The following EEFSEC variants were observed in gnomAD, a reference collection of about 807,000 sequenced individuals.
EEFSEC encodes the protein selenocysteine-specific elongation factor.
EEFSEC carries 43 observed loss-of-function variants against 42.1 expected under a neutral mutation model. That is an observed-to-expected ratio of 1.02 (90% CI 0.80 to 1.32). The LOEUF (loss-of-function observed/expected upper bound fraction) is 1.32, where lower values mean the gene tolerates loss of function less well. Ranked by LOEUF, EEFSEC falls within the 40% of genes most tolerant of loss-of-function variation. EEFSEC has a pLI of 0.00. For synonymous variants in EEFSEC, 354 were observed against 339.1 expected, an observed-to-expected ratio of 1.04 and a Z score of -0.48; for missense variants, 745 against 803.6, an observed-to-expected ratio of 0.93 and a Z score of 0.88.
At chr3:128,271,724 T>G (rs2066415124) in intron 4 of EEFSEC, among the ~76,000 whole-genome samples, 1 of 151,916 alleles carries the variant, frequency 6.6e-6, no homozygotes, top group African/African-American at 2.4e-5. Context: ...AGGTTCAAAC[T>G]CCCGGGCCCT....
chr3:128,331,851 GA>G (rs1375121872), intron 4 of EEFSEC, among the ~76,000 whole-genome samples: 2 of 152,242 alleles, frequency 1.3e-5, no homozygotes, highest in Admixed American at 1.3e-4. Context: ...ACTGCTGGTG[GA>G]AGCGTAACCA....
intron 6 of EEFSEC, among the ~76,000 whole-genome samples, chr3:128,406,056 C>A (rs921458555): frequency 1.3e-5 from 2 of 152,218 alleles, no homozygotes; most frequent in African/African-American, 4.8e-5. Context: ...CCCACCAGGA[C>A]CCCCCAGTGG....
intron 4 of EEFSEC, among the ~76,000 whole-genome samples, chr3:128,334,296 C>T (rs2067166312): frequency 6.6e-6 from 1 of 152,256 alleles, no homozygotes; most frequent in Admixed American, 6.5e-5. Flanking sequence ...TCTTCCCTCT[C>T]TGCTTCTGCC....
At chr3:128,415,928 G>A in the EEFSEC span, among the ~76,000 whole-genome samples, 1 of 152,210 alleles carries the variant, frequency 6.6e-6, no homozygotes, top group Non-Finnish European at 1.5e-5. Flanking sequence ...AACCTTTGGG[G>A]GGAAGTGGCT....
chr3:128,300,557 A>G (rs2066755872), intron 4 of EEFSEC, among the ~76,000 whole-genome samples: 1 of 151,796 alleles, frequency 6.6e-6, no homozygotes. Flanking sequence ...AAAAAAAAAA[A>G]AAAAAGGCCA....
At chr3:128,214,847 G>A (rs771954740) in intron 1 of EEFSEC, among the ~76,000 whole-genome samples, 25 of 152,214 alleles carry the variant, frequency 1.6e-4, no homozygotes, top group Non-Finnish European at 3.2e-4. Flanking sequence ...ATGGTGGTGG[G>A]CAGCACTTAC....
chr3:128,171,006 C>CCT (rs1458241673), intron 1 of EEFSEC, among the ~76,000 whole-genome samples: 1 of 152,192 alleles, frequency 6.6e-6, no homozygotes, highest in Non-Finnish European at 1.5e-5. Flanking sequence ...TGTGTGTCCT[C>CCT]CTCTTCCTGA....
At chr3:128,165,723 C>G (rs1382211903) in intron 1 of EEFSEC, among the ~76,000 whole-genome samples, 1 of 152,176 alleles carries the variant, frequency 6.6e-6, no homozygotes, top group Non-Finnish European at 1.5e-5. Flanking sequence ...AAAGATAAAC[C>G]TGACTTTTTT....
chr3:128,368,845 G>C (rs143087311), intron 6 of EEFSEC, among the ~76,000 whole-genome samples: 1 of 152,236 alleles, frequency 6.6e-6, no homozygotes, highest in Non-Finnish European at 1.5e-5. Context: ...GACACGTGCC[G>C]GAGTCCAGGC....
chr3:128,211,848 C>CTTTTTTTTTTTTTTTT (rs34885945), intron 1 of EEFSEC, among the ~76,000 whole-genome samples: 37 of 51,708 alleles, frequency 7.2e-4, no homozygotes, highest in African/African-American at 1.1e-3. Context: ...TTTTTCTTTT[C>CTTTTTTTTTTTTTTTT]TTTTTTTTTT....
intron 4 of EEFSEC, among the ~76,000 whole-genome samples, chr3:128,268,860 G>T (rs1379382518): frequency 6.6e-6 from 1 of 152,196 alleles, no homozygotes; most frequent in East Asian, 1.9e-4. Flanking sequence ...TGTGAGAGAA[G>T]AAATATTTTG....
intron 6 of EEFSEC, among the ~76,000 whole-genome samples, chr3:128,378,796 T>A (rs2067739096): frequency 6.6e-6 from 1 of 152,156 alleles, no homozygotes; most frequent in African/African-American, 2.4e-5. Flanking sequence ...AGACAGCTCA[T>A]CCCACTCCCG....
At chr3:128,291,145 G>A (rs1242648988) in intron 4 of EEFSEC, among the ~76,000 whole-genome samples, 1 of 151,868 alleles carries the variant, frequency 6.6e-6, no homozygotes, top group Non-Finnish European at 1.5e-5. Context: ...AGACAGGCTT[G>A]CTCTGTCATC....
chr3:128,360,174 G>A (rs886753262), intron 6 of EEFSEC, among the ~76,000 whole-genome samples: 1 of 152,224 alleles, frequency 6.6e-6, no homozygotes, highest in African/African-American at 2.4e-5. Context: ...TCTCCATAGT[G>A]GCTCTGAGTC....
chr3:128,380,766 TG>T (rs1393736378), intron 6 of EEFSEC, among the ~76,000 whole-genome samples: 1 of 152,186 alleles, frequency 6.6e-6, no homozygotes, highest in African/African-American at 2.4e-5. Context: ...ACCTGTTGGG[TG>T]GGTTGTGTCC....
At chr3:128,211,373 C>T (rs888650670) in intron 1 of EEFSEC, among the ~76,000 whole-genome samples, 1 of 152,106 alleles carries the variant, frequency 6.6e-6, no homozygotes, top group Non-Finnish European at 1.5e-5. Context: ...CCCAACTCAG[C>T]CTCTTGAGTG....
At chr3:128,404,337 C>T (rs1228507343) in intron 6 of EEFSEC, among the ~76,000 whole-genome samples, 1 of 152,258 alleles carries the variant, frequency 6.6e-6, no homozygotes, top group Admixed American at 6.5e-5. Flanking sequence ...GCCACATCTT[C>T]ACCAGTGCCA....
intron 1 of EEFSEC, among the ~76,000 whole-genome samples, chr3:128,159,644 C>G (rs1299227046): frequency 6.6e-6 from 1 of 152,184 alleles, no homozygotes; most frequent in East Asian, 1.9e-4. Flanking sequence ...CGACTGCTCC[C>G]CACTCTGACC....
chr3:128,405,513 C>T (rs1425669413), intron 6 of EEFSEC, among the ~76,000 whole-genome samples: 2 of 152,204 alleles, frequency 1.3e-5, no homozygotes, highest in African/African-American at 2.4e-5. Flanking sequence ...AGTCACTGGC[C>T]TCTTAGACCT....
Sources: gnomAD v4.1 joint callset for allele counts (sites outside exome capture counted in the v4.1 genomes callset) on GRCh38, gnomAD v4.1.1 for gene constraint, MANE v1.5 for transcripts, NCBI Gene and HGNC (gene_info 2026-07-23, HGNC 2026-07-21) for gene names.